C8B: variants seen among roughly 807,000 people sequenced by gnomAD.
C8B encodes complement C8 beta chain.
In C8B, 67 loss-of-function variants were observed where a neutral mutation model predicts 64.6. That is an observed-to-expected ratio of 1.04 (90% confidence interval 0.85 to 1.27). The LOEUF is 1.27. C8B is among the 50% of genes most tolerant of loss of function. The pLI is 0.00. For synonymous variants in C8B, 284 were observed against 257.7 expected (o/e 1.10, Z -0.98); for missense variants, 790 against 725.2 (o/e 1.09, Z -1.03).
In C8B at chr1:56,956,842, T is replaced by G. The variant is rs373375237; in HGVS notation, c.318A>C (p.Glu106Asp). The G allele has an allele frequency of 5.9e-5, 95 of 1,614,000 alleles. No homozygotes were observed. Among genetic ancestry groups the G allele is most frequent in the Non-Finnish European group, 7.6e-5 (90 of 1,179,992 alleles). ...HGEPCNFSDKEVEDCVTNRPC... is the reference protein window; with the variant it reads ...HGEPCNFSDKDVEDCVTNRPC... ...GTCTGTTGGTAACACAGTCTTCGACTTCCTTGTCAGAGAAGTTGCACGGTT... is the reference window on the plus strand; with the variant it reads ...GTCTGTTGGTAACACAGTCTTCGACGTCCTTGTCAGAGAAGTTGCACGGTT... Residue 106 changes from glutamate (E) to aspartate (D), a missense_variant, in exon 3 of 12, where the codon GAA becomes GAC. Coordinates refer to ENST00000371237, the MANE Select transcript of C8B (RefSeq NM_000066.4).
At chr1:56,929,978 A>T (rs978241319) in intron 11 of C8B, among the ~76,000 whole-genome samples, 4 of 152,176 alleles carry the variant, frequency 2.6e-5, no homozygotes, top group African/African-American at 9.7e-5. Flanking sequence ...GACAATTCAA[A>T]TGATATTGGC....
chr1:56,933,577 C>T (rs115468209), intron 9 of C8B, 89 bp from the exon 10 acceptor site: 21,233 of 1,125,526 alleles, frequency 0.019, 306 homozygotes, highest in South Asian at 0.045. Flanking sequence ...GGACTGGGAT[C>T]AGTGTATAGA....
chr1:56,932,061 G>A (rs936304257), intron 10 of C8B, among the ~76,000 whole-genome samples, 183 bp from the exon 11 acceptor site: 6 of 152,160 alleles, frequency 3.9e-5, no homozygotes, highest in African/African-American at 1.4e-4. Context: ...CCTTTGCCAC[G>A]AAGGGGTGTT....
At chr1:56,945,551 C>T (rs1237651213) in intron 7 of C8B, among the ~76,000 whole-genome samples, 1 of 150,398 alleles carries the variant, frequency 6.6e-6, no homozygotes, top group Non-Finnish European at 1.5e-5. Flanking sequence ...AGGATGGATC[C>T]AGGAAGAGAT....
intron 6 of C8B, among the ~76,000 whole-genome samples, chr1:56,946,590 T>C (rs1644945987): frequency 6.6e-6 from 1 of 152,208 alleles, no homozygotes; most frequent in Non-Finnish European, 1.5e-5. Context: ...TTACATACGG[T>C]TTACAACTGG....
At chr1:56,953,250 C>T (rs1645052159) in intron 4 of C8B, among the ~76,000 whole-genome samples, 2 of 152,160 alleles carry the variant, frequency 1.3e-5, no homozygotes, top group African/African-American at 4.8e-5. Context: ...TATCAGCTTC[C>T]ACTTATTGGC....
At position 56,965,934 on chromosome 1, in the gene C8B, C is replaced by T; in HGVS notation, c.15G>A (p.Arg5=). 6.2e-7 allele frequency: 1 copy of T among 1,613,944 alleles called. No individual in the cohort carries two copies. The highest frequency in any genetic ancestry group is 8.5e-7 in the Non-Finnish European group (1 of 1,180,006). ...CCACCGGCGCCCTCCAAGCCCATGT[C>T]CTGGAATTCTTCATTTTCCCAATGT... MKNS[R]TWAWRAPVEL... is the part of the protein sequence containing the mutation. The change falls in exon 1 of 12, where the codon AGG becomes AGA. Residue 5 remains arginine, a synonymous_variant. Coordinates refer to ENST00000371237, the MANE Select transcript of C8B (RefSeq NM_000066.4).
chr1:56,955,948 G>T (rs1300482837), intron 3 of C8B, among the ~76,000 whole-genome samples: 1 of 152,164 alleles, frequency 6.6e-6, no homozygotes, highest in East Asian at 1.9e-4. Context: ...GAATTGAAAA[G>T]TTGTGTTTAT....
chr1:56,942,593 TTTTGG>T (rs1644879882), intron 8 of C8B, among the ~76,000 whole-genome samples: 1 of 151,682 alleles, frequency 6.6e-6, no homozygotes, highest in Non-Finnish European at 1.5e-5. Flanking sequence ...TAGTCCCAGC[TTTTGG>T]GAGGCTGAGG....
At position 56,960,303 on chromosome 1, in the gene C8B, C is replaced by T. The variant is rs1262163443; in HGVS notation, c.93-127G>A. ...GTGCAAGGCTATTAGTTTATCATTC[C>T]AGGATAACCTATCCTGGAATTAATT... On this transcript the variant is annotated intron_variant, in intron 1 of 11. Coordinates refer to ENST00000371237, the MANE Select transcript of C8B (RefSeq NM_000066.4). 10 of 811,948 alleles carry T rather than the reference C, an allele frequency of 1.2e-5. No individual in the cohort carries two copies. The Admixed American group carries it at 2.0e-4, about 16-fold the overall frequency. 50.3% of individuals were successfully genotyped at this position (811,948 alleles called of 1,614,324 possible).
chr1:56,940,910 G>C lies in C8B; in HGVS notation c.1337C>G (p.Ala446Gly). Reference protein sequence around the residue: ...TTLAYQELPTADLMQEWGDAV... With the variant: ...TTLAYQELPTGDLMQEWGDAV... ...GTCTCCCCACTCCTGCATCAGGTCC[G>C]CCGTCGGCAGCTCCTGGTATGCCAG... The change falls in exon 9 of 12, where the codon GCG becomes GGG. Residue 446 changes from alanine (A) to glycine (G), a missense_variant. Physicochemically the swap from Ala to Gly is moderately conservative, Grantham distance 60. Coordinates refer to ENST00000371237, the MANE Select transcript of C8B (RefSeq NM_000066.4). The C allele has an allele frequency of 6.2e-7, 1 of 1,614,032 alleles. No individual in the cohort carries two copies.
At position 56,933,488 on chromosome 1, in the gene C8B, C is replaced by T. The variant is rs752490325; in HGVS notation, c.1399G>A (p.Val467Met). 3 of 1,613,372 alleles carry T rather than the reference C, an allele frequency of 1.9e-6. No homozygotes were observed. In the East Asian group the frequency reaches 6.7e-5, roughly 36 times the overall value. Residue 467 changes from valine (V) to methionine (M), a missense_variant and splice_region_variant, in exon 10 of 12, where the codon GTG becomes ATG. Val to Met is a conservative substitution (Grantham distance 21, BLOSUM62 1). Transcript: ENST00000371237. The part of the protein sequence containing the change: ...QYNPAIIKVK[V>M]EPLYELVTAT... Reference sequence around the variant, plus strand: ...GTCACTAGTTCATACAGAGGCTCCACCTGGAAAGGGAAAAGGGCATTTATT... The same window carrying T: ...GTCACTAGTTCATACAGAGGCTCCATCTGGAAAGGGAAAAGGGCATTTATT...
chr1:56,944,041 G>T (rs111462954), intron 7 of C8B, among the ~76,000 whole-genome samples: 1 of 152,030 alleles, frequency 6.6e-6, no homozygotes, highest in Admixed American at 6.6e-5. Context: ...CAGCCTCCCC[G>T]CAACGCTCTC....
chr1:56,940,048 C>T (rs725330), intron 9 of C8B, among the ~76,000 whole-genome samples: 65,882 of 151,728 alleles, frequency 0.43, 14,996 homozygotes, highest in Non-Finnish European at 0.51. Context: ...TACTGTTCCT[C>T]GTAGACTGTA....
chr1:56,950,465 T>TAGGGGAACTGCC (rs775420136), intron 5 of C8B, among the ~76,000 whole-genome samples: 46 of 152,342 alleles, frequency 3.0e-4, no homozygotes, highest in South Asian at 1.2e-3. Flanking sequence ...GCACTGTGTG[T>TAGGGGAACTGCC]AGGGGAACTG....
At chr1:56,936,103 A>T (rs1180145178) in intron 9 of C8B, among the ~76,000 whole-genome samples, 1 of 152,220 alleles carries the variant, frequency 6.6e-6, no homozygotes, top group Non-Finnish European at 1.5e-5. Context: ...TCAAATAACA[A>T]ACTAAGACAT....
chr1:56,945,285 T>G (rs541681391), intron 7 of C8B, among the ~76,000 whole-genome samples: 48 of 152,238 alleles, frequency 3.2e-4, no homozygotes, highest in Middle Eastern at 3.4e-3. Context: ...GCTGATGGAT[T>G]TGAAGAAAAG....
At chr1:56,949,791 A>G in intron 5 of C8B, 39 bp from the exon 6 acceptor site, 7 of 1,453,672 alleles carry the variant, frequency 4.8e-6, no homozygotes, top group Non-Finnish European at 6.6e-6. Flanking sequence ...ATTTCATTTG[A>G]CTCAAATCAG....
chr1:56,957,004 T>A, intron 2 of C8B, 94 bp from the exon 3 acceptor site: 1 of 1,418,626 alleles, frequency 7.0e-7, no homozygotes, highest in Non-Finnish European at 9.9e-7. Flanking sequence ...AGCCAGGATT[T>A]GGGCTTCACA....
Sources: gnomAD v4.1 joint callset for allele counts (sites outside exome capture counted in the v4.1 genomes callset) on GRCh38, gnomAD v4.1.1 for gene constraint, MANE v1.5 for transcripts, NCBI Gene and HGNC (gene_info 2026-07-23, HGNC 2026-07-21) for gene names.